The following KCNH8 variants were observed in gnomAD, a reference collection of about 807,000 sequenced individuals.
KCNH8 encodes the protein potassium voltage-gated channel subfamily H member 8, also known as voltage-gated delayed rectifier potassium channel KCNH8.
Under a neutral mutation model 103.6 loss-of-function variants are expected in KCNH8, and 70 were observed. The ratio of observed to expected loss-of-function variants is 0.68; its 90% CI spans 0.56 to 0.82. The LOEUF (loss-of-function observed/expected upper bound fraction) is 0.82. Among genes scored for constraint, KCNH8 ranks in the 40% least tolerant of loss-of-function variants. KCNH8 has a pLI of 0.00. For missense variants in KCNH8, 1,217 were observed against 1,329.9 expected, an observed-to-expected ratio of 0.92 and a Z score of 1.32; for synonymous variants, 498 against 489.4, an observed-to-expected ratio of 1.02 and a Z score of -0.23.
intron 7 of KCNH8, among the ~76,000 whole-genome samples, chr3:19,409,019 A>C (rs2066735656): frequency 6.6e-6 from 1 of 152,164 alleles, no homozygotes; most frequent in Admixed American, 6.6e-5. Flanking sequence ...AATTCAGAGA[A>C]CACCTGTGAA....
intron 3 of KCNH8, among the ~76,000 whole-genome samples, chr3:19,290,244 T>C (rs1184902360): frequency 6.6e-6 from 1 of 152,196 alleles, no homozygotes; most frequent in Non-Finnish European, 1.5e-5. Context: ...TATTTCCTTC[T>C]CCTGCCTAAT....
At chr3:19,244,334 A>G (rs1462479005) in intron 1 of KCNH8, among the ~76,000 whole-genome samples, 1 of 152,176 alleles carries the variant, frequency 6.6e-6, no homozygotes, top group Non-Finnish European at 1.5e-5. Context: ...TTATTTACGC[A>G]GTCTACCATA....
chr3:19,380,644 A>C (rs932240049), intron 5 of KCNH8, among the ~76,000 whole-genome samples: 3 of 152,234 alleles, frequency 2.0e-5, no homozygotes, highest in Non-Finnish European at 4.4e-5. Context: ...GGGAGAATTA[A>C]TAAAACGTAA....
intron 1 of KCNH8, among the ~76,000 whole-genome samples, chr3:19,181,517 A>T (rs1403405493): frequency 3.3e-5 from 5 of 152,182 alleles, no homozygotes; most frequent in African/African-American, 1.2e-4. Flanking sequence ...TAAAGAAATG[A>T]ATTTGTAATA....
At chr3:19,361,873 C>G (rs2065950881) in intron 5 of KCNH8, among the ~76,000 whole-genome samples, 2 of 151,878 alleles carry the variant, frequency 1.3e-5, no homozygotes, top group Admixed American at 1.3e-4. Context: ...ACTTTAGTGA[C>G]ATAATTAGGG....
chr3:19,158,630 C>G (rs1033396754), intron 1 of KCNH8, among the ~76,000 whole-genome samples: 3 of 151,654 alleles, frequency 2.0e-5, no homozygotes, highest in African/African-American at 4.8e-5. Context: ...TTATTTTATT[C>G]CTAGTAATTT....
chr3:19,528,571 A>AGTT (rs1342948153), intron 15 of KCNH8, among the ~76,000 whole-genome samples: 3 of 152,110 alleles, frequency 2.0e-5, no homozygotes, highest in African/African-American at 7.2e-5. Flanking sequence ...GGTTTAGGAA[A>AGTT]GTTGTATATG....
intron 4 of KCNH8, among the ~76,000 whole-genome samples, chr3:19,347,440 G>A (rs2065743528): frequency 6.6e-6 from 1 of 151,946 alleles, no homozygotes; most frequent in Non-Finnish European, 1.5e-5. Context: ...AATGTTTTTT[G>A]ATGACATTTT....
At chr3:19,230,632 A>G (rs757145102) in intron 1 of KCNH8, among the ~76,000 whole-genome samples, 3 of 152,164 alleles carry the variant, frequency 2.0e-5, no homozygotes, top group Non-Finnish European at 4.4e-5. Context: ...TGAAATAGGT[A>G]TTTTTTACAT....
At chr3:19,512,210 T>C (rs537297406) in intron 12 of KCNH8, among the ~76,000 whole-genome samples, 1 of 152,320 alleles carries the variant, frequency 6.6e-6, no homozygotes, top group South Asian at 2.1e-4. Flanking sequence ...TTCACTGCCC[T>C]GGCCCTTCCA....
intron 1 of KCNH8, among the ~76,000 whole-genome samples, chr3:19,199,856 T>A (rs897308561): frequency 6.6e-6 from 1 of 152,006 alleles, no homozygotes; most frequent in South Asian, 2.1e-4. Flanking sequence ...AAGTGAGTGG[T>A]CCTTTCTATC....
intron 1 of KCNH8, among the ~76,000 whole-genome samples, chr3:19,233,404 T>C (rs186490502): frequency 7.2e-5 from 11 of 152,188 alleles, no homozygotes; most frequent in Non-Finnish European, 1.3e-4. Flanking sequence ...CTAGAACTTA[T>C]GCTTCTGTGC....
intron 5 of KCNH8, among the ~76,000 whole-genome samples, chr3:19,376,072 C>A (rs1401177413): frequency 6.6e-6 from 1 of 152,162 alleles, no homozygotes; most frequent in Admixed American, 6.5e-5. Context: ...GCCCTGCCCC[C>A]AGAGGTGGAG....
intron 3 of KCNH8, among the ~76,000 whole-genome samples, chr3:19,330,299 C>G (rs1226145160): frequency 6.6e-6 from 1 of 152,136 alleles, no homozygotes; most frequent in East Asian, 1.9e-4. Context: ...TTATAAATGT[C>G]TTCCTTATAT....
Position 19,342,512 on chromosome 3 carries a change from G to A in KCNH8, c.443-75G>A, listed in dbSNP as rs1237803753. On this transcript the variant is annotated intron_variant, in intron 3 of 15. Transcript: ENST00000328405. The stretch of plus-strand genomic sequence containing the variant: ...AAACATGTACAATATGCTCTTGAAA[G>A]GGAACTGTCAAAATGACATTCTTGA... 7 of 1,455,968 alleles carry A rather than the reference G, an allele frequency of 4.8e-6. No individual in the cohort carries two copies. In the South Asian group the frequency reaches 7.9e-5, roughly 16 times the overall value. The allele number at this position is 1,455,968 out of a possible 1,614,324, so 90.2% of individuals were successfully genotyped here.
At chr3:19,469,787 A>G (rs1021165484) in intron 11 of KCNH8, among the ~76,000 whole-genome samples, 3 of 152,186 alleles carry the variant, frequency 2.0e-5, no homozygotes, top group African/African-American at 7.2e-5. Flanking sequence ...CTGTTAATAC[A>G]TCCTAGTTCC....
At position 19,160,218 on chromosome 3, in the gene KCNH8, G is replaced by A. The variant is rs564179044; in HGVS notation, c.76+11423G>A. ...AACCAGTAACCGATTTAAGAAGACT[G>A]TACTTAAAAATTATGATTCATTCTG... On this transcript the variant is annotated intron_variant, in intron 1 of 15. Transcript: ENST00000328405. Among the ~76,000 whole-genome samples, 12 of 152,188 alleles carry A rather than the reference G, an allele frequency of 7.9e-5. No homozygotes were observed. The East Asian group carries it at 1.5e-3, about 20-fold the overall frequency.
chr3:19,259,254 A>G (rs764517098), intron 2 of KCNH8, among the ~76,000 whole-genome samples: 45 of 151,568 alleles, frequency 3.0e-4, no homozygotes, highest in Non-Finnish European at 4.0e-4. Flanking sequence ...AAGCAAAAGA[A>G]AACTAAGCCA....
chr3:19,421,053 A>G (rs368065747), intron 7 of KCNH8, among the ~76,000 whole-genome samples: 1 of 152,200 alleles, frequency 6.6e-6, no homozygotes, highest in Admixed American at 6.5e-5. Flanking sequence ...GCCAAGTTAT[A>G]GAATTGGTAG....
Sources: gnomAD v4.1 joint callset for allele counts (sites outside exome capture counted in the v4.1 genomes callset) on GRCh38, gnomAD v4.1.1 for gene constraint, MANE v1.5 for transcripts, NCBI Gene and HGNC (gene_info 2026-07-23, HGNC 2026-07-21) for gene names.